MICALL2: variants seen among roughly 807,000 people sequenced by gnomAD.
MICALL2 encodes the protein MICAL like 2, also known as MICAL-like protein 2.
MICALL2 carries 111 observed loss-of-function variants against 91.1 expected under a neutral mutation model. The ratio of observed to expected loss-of-function variants is 1.22; its 90% CI spans 1.04 to 1.43. The LOEUF (loss-of-function observed/expected upper bound fraction) is 1.43, where lower values mean the gene tolerates loss of function less well. Among genes scored for constraint, MICALL2 ranks in the 40% most tolerant of loss-of-function variants. The pLI is 0.00. For missense variants in MICALL2, 1,556 were observed against 1,236.0 expected, an observed-to-expected ratio of 1.26 and a Z score of -3.88; for synonymous variants, 694 against 525.3, an observed-to-expected ratio of 1.32 and a Z score of -4.39.
At chr7:1,443,905 A>G (rs970134122) in intron 6 of MICALL2, among the ~76,000 whole-genome samples, 1 of 152,060 alleles carries the variant, frequency 6.6e-6, no homozygotes, top group Non-Finnish European at 1.5e-5. Flanking sequence ...CGTCCACGTC[A>G]TCTGCTCAGG....
intron 2 of MICALL2, among the ~76,000 whole-genome samples, chr7:1,449,707 C>T (rs978283980): frequency 1.3e-5 from 2 of 152,194 alleles, no homozygotes; most frequent in South Asian, 2.1e-4. Flanking sequence ...CTGCAGGGCG[C>T]GTGGTGAGTC....
rs758044946 is a variant in MICALL2 at position 1,440,608 on chromosome 7, C to T, written c.1788G>A (p.Arg596=). The T allele has an allele frequency of 1.2e-6, 2 of 1,612,772 alleles. No individual in the cohort carries two copies. The highest frequency in any genetic ancestry group is 1.7e-6 in the Non-Finnish European group (2 of 1,179,918). ...GWRANLKPVD[R]RSPAERTLKP... ...TCCCTAACCTCTCAGCTGGGCTTCT[C>T]CTGTCCACGGGCTTCAGATTCGCTC... Residue 596 remains arginine (R), a synonymous_variant, in exon 8 of 17, where the codon AGG becomes AGA. Coordinates refer to ENST00000297508, the MANE Select transcript of MICALL2 (RefSeq NM_182924.4).
In MICALL2 at chr7:1,437,567, T is replaced by C. The variant is rs748117328; in HGVS notation, c.2444A>G (p.Glu815Gly). Residue 815 changes from glutamate (E) to glycine (G), a missense_variant, in exon 14 of 17, where the codon GAG (glutamate) becomes GGG (glycine). Transcript: ENST00000297508. Reference sequence around the variant, plus strand: ...GGCCATGAGCCGGCGCAGCTCGCCCTCGATGTCCAGCTGCTGCTCCTCCAG... The same window carrying C: ...GGCCATGAGCCGGCGCAGCTCGCCCCCGATGTCCAGCTGCTGCTCCTCCAG... ...QRLEEQQLDI[E>G]GELRRLMAKP... 6.5e-7 allele frequency: 1 copy of C among 1,534,898 alleles called. No individual in the cohort carries two copies. Among genetic ancestry groups the C allele is most frequent in the Non-Finnish European group, 8.7e-7 (1 of 1,145,424 alleles).
At chr7:1,437,367 A>G (rs1311144127) in intron 14 of MICALL2, 168 bp downstream of exon 14, 15 of 621,278 alleles carry the variant, frequency 2.4e-5, no homozygotes. Flanking sequence ...GGCTGAGGAC[A>G]CACAGCCAGG....
intron 14 of MICALL2, chr7:1,437,155 G>A (rs1780009726): frequency 2.1e-6 from 1 of 480,146 alleles, no homozygotes; most frequent in African/African-American, 2.0e-5. Context: ...AAGGGCAGAG[G>A]CAGACGGCCT....
At chr7:1,436,682 G>C in intron 15 of MICALL2, 60 bp downstream of exon 15, 5 of 1,320,606 alleles carry the variant, frequency 3.8e-6, no homozygotes, top group Non-Finnish European at 5.2e-6. Flanking sequence ...CCTGAGGGCC[G>C]GGAGCATGGA....
intron 16 of MICALL2, 182 bp from the exon 17 acceptor site, chr7:1,434,854 G>A (rs1319612418): frequency 2.7e-6 from 2 of 742,792 alleles, no homozygotes; most frequent in South Asian, 1.9e-5. Context: ...GGGTGCCCCG[G>A]AGGGCTGGTC....
At chr7:1,445,665 A>T (rs528182923) in intron 5 of MICALL2, among the ~76,000 whole-genome samples, 20 of 152,316 alleles carry the variant, frequency 1.3e-4, no homozygotes, top group Non-Finnish European at 2.4e-4. Flanking sequence ...GTCCTTAACC[A>T]CTTACATCAC....
intron 1 of MICALL2, among the ~76,000 whole-genome samples, chr7:1,456,800 A>C (rs929878546): frequency 2.6e-5 from 4 of 151,978 alleles, no homozygotes; most frequent in African/African-American, 4.8e-5. Context: ...CCAGGCACCC[A>C]TACAAGCGCA....
chr7:1,438,085 C>A lies in MICALL2; in HGVS notation c.2311+12G>T. 1 of 1,571,014 alleles carries A rather than the reference C, an allele frequency of 6.4e-7. No individual in the cohort carries two copies. Among genetic ancestry groups the A allele is most frequent in the Non-Finnish European group, 8.6e-7 (1 of 1,159,460 alleles). On this transcript the variant is annotated intron_variant, in intron 12 of 16. Transcript: ENST00000297508. ...GAGTCGGGCTGGCCCAGGGCCAGGC[C>A]GAGGCGCTCACCTCCCTCGGCCGCC...
chr7:1,437,381 T>A, intron 14 of MICALL2, 154 bp downstream of exon 14: 1 of 575,202 alleles, frequency 1.7e-6, no homozygotes. Context: ...AGCCAGGAGG[T>A]GGGAGATTTG....
chr7:1,453,109 A>C (rs1278420298), intron 1 of MICALL2, among the ~76,000 whole-genome samples: 1 of 151,722 alleles, frequency 6.6e-6, no homozygotes, highest in Non-Finnish European at 1.5e-5. Context: ...AGCCCCACCA[A>C]CATCGCCAGG....
rs1779958667 is a variant in MICALL2, at chr7:1,436,250, G to A, written c.2591+492C>T. Among the ~76,000 whole-genome samples the A allele has an allele frequency of 2.0e-5, 3 of 152,000 alleles. No homozygotes were observed. The South Asian group carries it at 6.2e-4, about 31-fold the overall frequency. ...ACCAAAAATACAAAAAATTAGCCGGGCATGGTGGTGCGAGCTTGCTACTCA... is the reference window on the plus strand; with the variant it reads ...ACCAAAAATACAAAAAATTAGCCGGACATGGTGGTGCGAGCTTGCTACTCA... On this transcript the variant is annotated intron_variant, in intron 15 of 16. Transcript: ENST00000297508.
intron 6 of MICALL2, 51 bp from the exon 7 acceptor site, chr7:1,442,535 C>T (rs753621081): frequency 1.9e-5 from 29 of 1,494,388 alleles, no homozygotes; most frequent in South Asian, 2.7e-5. Context: ...GGCGCCCTCC[C>T]ACCATCACCC....
chr7:1,445,691 C>A (rs1295775228), intron 5 of MICALL2, among the ~76,000 whole-genome samples: 3 of 152,242 alleles, frequency 2.0e-5, no homozygotes, highest in African/African-American at 7.2e-5. Context: ...CCACCAAAAA[C>A]CTCGTTTGGG....
At chr7:1,434,980 T>TGGCCCCCC in intron 16 of MICALL2, 121 bp downstream of exon 16, 1 of 628,930 alleles carries the variant, frequency 1.6e-6, no homozygotes. Context: ...GGGGACCCGA[T>TGGCCCCCC]ACCCGCCCCC....
intron 3 of MICALL2, among the ~76,000 whole-genome samples, chr7:1,448,416 T>C (rs145852444): frequency 1.3e-5 from 2 of 152,212 alleles, no homozygotes; most frequent in African/African-American, 2.4e-5. Context: ...GCCTGGGGCT[T>C]TGCATGGGGC....
Position 1,448,545 on chromosome 7 carries a change from T to C in MICALL2, c.334+75A>G, listed in dbSNP as rs184798973. The C allele has an allele frequency of 2.6e-4, 405 of 1,546,996 alleles. 1 individual carries two copies. The African/African-American group carries it at 4.7e-3, about 18-fold the overall frequency. On this transcript the variant is annotated intron_variant, in intron 3 of 16. Coordinates refer to ENST00000297508, the MANE Select transcript of MICALL2 (RefSeq NM_182924.4). Reference sequence around the variant, plus strand: ...GGGGCTGGGCATGGACCCCAAAAAGTCCACAGGCCTGGGAGCCAGGCCAAG... The same window carrying C: ...GGGGCTGGGCATGGACCCCAAAAAGCCCACAGGCCTGGGAGCCAGGCCAAG...
chr7:1,456,272 A>G (rs907616403), intron 1 of MICALL2, among the ~76,000 whole-genome samples: 1 of 147,236 alleles, frequency 6.8e-6, no homozygotes, highest in African/African-American at 2.4e-5. Flanking sequence ...AAAAGAAACA[A>G]TATGCTGAGT....
Sources: gnomAD v4.1 joint callset for allele counts (sites outside exome capture counted in the v4.1 genomes callset) on GRCh38, gnomAD v4.1.1 for gene constraint, MANE v1.5 for transcripts, NCBI Gene and HGNC (gene_info 2026-07-23, HGNC 2026-07-21) for gene names.